The following FSTL5 variants were observed in gnomAD, a reference collection of about 807,000 sequenced individuals.
FSTL5 encodes follistatin like 5, also known as follistatin-related protein 5.
FSTL5 carries 62 observed loss-of-function variants against 89.1 expected under a neutral mutation model. That is an observed-to-expected ratio of 0.70 (90% CI 0.57 to 0.86). The LOEUF (loss-of-function observed/expected upper bound fraction) is 0.86. Among genes scored for constraint, FSTL5 ranks in the 40% least tolerant of loss-of-function variants. The pLI is 0.00. For synonymous variants in FSTL5, 383 were observed against 346.2 expected (o/e 1.11, Z -1.18); for missense variants, 1,057 against 1,001.6 (o/e 1.06, Z -0.75).
chr4:161,478,442 G>A (rs1729377347), intron 13 of FSTL5, among the ~76,000 whole-genome samples: 1 of 152,038 alleles, frequency 6.6e-6, no homozygotes, highest in African/African-American at 2.4e-5. Flanking sequence ...ATTGTTAACT[G>A]ATGAAGATGG....
chr4:161,795,508 GA>G (rs1224697193), intron 4 of FSTL5, among the ~76,000 whole-genome samples: 4 of 151,768 alleles, frequency 2.6e-5, no homozygotes, highest in Admixed American at 2.0e-4. Flanking sequence ...CCTTCCTTTT[GA>G]AAAAATGATT....
chr4:162,088,202 C>T (rs1730398241), intron 2 of FSTL5, among the ~76,000 whole-genome samples: 1 of 142,506 alleles, frequency 7.0e-6, no homozygotes, highest in Non-Finnish European at 1.5e-5. Flanking sequence ...TCAAATGTGG[C>T]AAATTGTGAC....
intron 1 of FSTL5, among the ~76,000 whole-genome samples, chr4:162,155,705 G>A (rs1733441807): frequency 6.6e-6 from 1 of 152,158 alleles, no homozygotes; most frequent in South Asian, 2.1e-4. Context: ...GCAGAAGAGT[G>A]GGACCTAAAC....
chr4:161,721,550 T>A (rs1739218951), intron 6 of FSTL5, among the ~76,000 whole-genome samples: 1 of 152,026 alleles, frequency 6.6e-6, no homozygotes, highest in African/African-American at 2.4e-5. Flanking sequence ...AAAAAGGGGT[T>A]TCAAAAATGC....
chr4:161,835,420 A>C (rs2126866301), intron 4 of FSTL5, among the ~76,000 whole-genome samples: 1 of 152,230 alleles, frequency 6.6e-6, no homozygotes, highest in Non-Finnish European at 1.5e-5. Flanking sequence ...AAAACACCAA[A>C]AGTAATGGCA....
At chr4:162,032,145 A>G (rs1276376593) in intron 3 of FSTL5, among the ~76,000 whole-genome samples, 1 of 152,188 alleles carries the variant, frequency 6.6e-6, no homozygotes, top group Non-Finnish European at 1.5e-5. Flanking sequence ...AAGGCAATAA[A>G]GTATCAAGTA....
At chr4:161,519,492 C>A (rs549913486) in intron 10 of FSTL5, among the ~76,000 whole-genome samples, 112 of 152,220 alleles carry the variant, frequency 7.4e-4, no homozygotes, top group Non-Finnish European at 1.3e-3. Context: ...CTCCACTGCA[C>A]TCCAGCCTGG....
chr4:161,906,346 T>C (rs1005669707), intron 4 of FSTL5, among the ~76,000 whole-genome samples: 3 of 152,142 alleles, frequency 2.0e-5, no homozygotes, highest in African/African-American at 4.8e-5. Flanking sequence ...GCAAGTAGTT[T>C]GGTGAAAAGA....
At chr4:161,732,523 T>TGTATA (rs1739648066) in intron 6 of FSTL5, among the ~76,000 whole-genome samples, 1 of 152,046 alleles carries the variant, frequency 6.6e-6, no homozygotes, top group Non-Finnish European at 1.5e-5. Context: ...TAATTTTTGT[T>TGTATA]GTCTATAGTT....
intron 15 of FSTL5, among the ~76,000 whole-genome samples, chr4:161,428,413 C>A (rs547873435): frequency 2.0e-5 from 3 of 152,316 alleles, no homozygotes; most frequent in Non-Finnish European, 2.9e-5. Flanking sequence ...GGTTGCACCA[C>A]CCCTCCGCCA....
intron 4 of FSTL5, among the ~76,000 whole-genome samples, chr4:161,821,469 G>A (rs908583067): frequency 6.6e-6 from 1 of 152,062 alleles, no homozygotes; most frequent in Non-Finnish European, 1.5e-5. Flanking sequence ...GACACATGGT[G>A]TTTTGTTACA....
At chr4:161,722,508 G>C (rs1311580812) in intron 6 of FSTL5, among the ~76,000 whole-genome samples, 2 of 151,918 alleles carry the variant, frequency 1.3e-5, no homozygotes, top group Non-Finnish European at 2.9e-5. Context: ...TCTTCTTTCA[G>C]TTCACTTATT....
intron 13 of FSTL5, among the ~76,000 whole-genome samples, chr4:161,466,588 TC>T (rs1485017880): frequency 1.3e-5 from 2 of 152,158 alleles, no homozygotes; most frequent in African/African-American, 4.8e-5. Context: ...ATAAGCCCCT[TC>T]TGCATCCAAG....
At chr4:161,662,031 C>T (rs184885987) in intron 6 of FSTL5, among the ~76,000 whole-genome samples, 67 of 151,934 alleles carry the variant, frequency 4.4e-4, no homozygotes, top group Non-Finnish European at 8.1e-4. Context: ...CATTTTGAAG[C>T]GATAACAGCA....
intron 3 of FSTL5, among the ~76,000 whole-genome samples, chr4:161,936,879 C>A (rs759964783): frequency 6.6e-6 from 1 of 152,126 alleles, no homozygotes; most frequent in Non-Finnish European, 1.5e-5. Flanking sequence ...TATTCAGATT[C>A]TTCTTTGAAG....
chr4:161,743,826 G>C (rs573438582), intron 6 of FSTL5, among the ~76,000 whole-genome samples: 1 of 152,306 alleles, frequency 6.6e-6, no homozygotes, highest in African/African-American at 2.4e-5. Flanking sequence ...TAAGCTGAGA[G>C]ATGAGTATAA....
intron 2 of FSTL5, among the ~76,000 whole-genome samples, chr4:162,082,039 G>T (rs529621453): frequency 5.0e-4 from 76 of 151,798 alleles, no homozygotes; most frequent in Non-Finnish European, 1.5e-5. Flanking sequence ...ATATGAAAAT[G>T]TTGGCTTCTC....
At chr4:161,933,605 ATTTT>A (rs11435801) in intron 3 of FSTL5, among the ~76,000 whole-genome samples, 1 of 146,258 alleles carries the variant, frequency 6.8e-6, no homozygotes, top group Non-Finnish European at 1.5e-5. Flanking sequence ...TTGATCATGG[ATTTT>A]TTTTTTTTAA....
chr4:162,065,156 AAAAC>A (rs1738852467), intron 2 of FSTL5, among the ~76,000 whole-genome samples: 1 of 152,048 alleles, frequency 6.6e-6, no homozygotes, highest in Admixed American at 6.6e-5. Context: ...AACTCCTAGA[AAAAC>A]AAAAGCTTAG....
Sources: allele counts gnomAD v4.1 joint callset (sites outside exome capture counted in the v4.1 genomes callset), GRCh38; gene constraint gnomAD v4.1.1; transcripts MANE v1.5; gene names NCBI Gene and HGNC (gene_info 2026-07-23, HGNC 2026-07-21).